Variants in POLDIP3 observed in about 807,000 individuals in gnomAD.
POLDIP3 encodes DNA polymerase delta interacting protein 3.
A neutral mutation model predicts 45.1 loss-of-function variants in POLDIP3; 14 were observed. That is an observed-to-expected ratio of 0.31 (90% CI 0.20 to 0.49). POLDIP3 has a LOEUF of 0.49. POLDIP3 is among the 20% of genes least tolerant of loss of function. The probability of loss-of-function intolerance (pLI) is 0.99; values close to 1 mark genes in which losing one functional copy is unlikely to be tolerated. For synonymous variants in POLDIP3, 223 were observed against 205.2 expected, an observed-to-expected ratio of 1.09 and a Z score of -0.74; for missense variants, 511 against 538.8, an observed-to-expected ratio of 0.95 and a Z score of 0.51.
At chr22:42,595,699 G>A (rs2146811508) in intron 5 of POLDIP3, 85 bp from the exon 6 acceptor site, 3 of 1,254,718 alleles carry the variant, frequency 2.4e-6, no homozygotes, top group South Asian at 1.2e-5. Flanking sequence ...ACGTGACTAG[G>A]AAGGCCCAGA....
intron 7 of POLDIP3, among the ~76,000 whole-genome samples, chr22:42,588,443 C>G (rs1169815619): frequency 8.1e-6 from 1 of 123,002 alleles, no homozygotes; most frequent in Non-Finnish European, 1.6e-5. Context: ...GGCAACAGAG[C>G]GAGACTCCAC....
chr22:42,603,546 C>G (rs1465494110), intron 1 of POLDIP3: 7 of 194,956 alleles, frequency 3.6e-5, no homozygotes, highest in Non-Finnish European at 7.4e-5. Context: ...CAAGGCCCAT[C>G]CCCATCCATG....
Position 42,614,849 on chromosome 22 carries a change from G to T in POLDIP3, c.9C>A (p.Asp3Glu), listed in dbSNP as rs201550700. ...TCCTGATGAGTTCGTCCAGGGAGATGTCCGCCATCTTGCTCCGCCGAGCAA... is the reference window on the plus strand; with the variant it reads ...TCCTGATGAGTTCGTCCAGGGAGATTTCCGCCATCTTGCTCCGCCGAGCAA... MA[D>E]ISLDELIRKR... The change falls in exon 1 of 9, where the codon GAC (aspartate) becomes GAA (glutamate). Residue 3 changes from aspartate to glutamate, a missense_variant. Physicochemically the swap from Asp to Glu is conservative, Grantham distance 45. Coordinates refer to ENST00000252115, the MANE Select transcript of POLDIP3 (RefSeq NM_032311.5). 1 of 1,614,030 alleles carries T rather than the reference G, an allele frequency of 6.2e-7. No individual in the cohort carries two copies. The highest frequency in any genetic ancestry group is 2.2e-5 in the East Asian group (1 of 44,870).
intron 4 of POLDIP3, among the ~76,000 whole-genome samples, chr22:42,599,336 G>A (rs6002809): frequency 0.042 from 6,328 of 152,332 alleles, 445 homozygotes; most frequent in African/African-American, 0.15. Flanking sequence ...GGGCGCAGTG[G>A]CTTACGCCTG....
intron 6 of POLDIP3, among the ~76,000 whole-genome samples, chr22:42,595,214 C>T (rs1406943597): frequency 6.6e-6 from 1 of 152,250 alleles, no homozygotes; most frequent in African/African-American, 2.4e-5. Flanking sequence ...TGACCAGCCC[C>T]CAGTAAAACC....
At chr22:42,599,828 T>G in intron 3 of POLDIP3, 35 bp from the exon 4 acceptor site, 4 of 1,493,414 alleles carry the variant, frequency 2.7e-6, no homozygotes, top group Non-Finnish European at 3.7e-6. Context: ...TAAGCAAATG[T>G]GGCATCTGGG....
chr22:42,599,854 T>C (rs896404651), intron 3 of POLDIP3, 61 bp from the exon 4 acceptor site: 2 of 1,245,350 alleles, frequency 1.6e-6, no homozygotes, highest in African/African-American at 1.5e-5. Context: ...AACAGACATC[T>C]AGAACAGGCA....
chr22:42,602,413 G>A (rs1569302227), intron 2 of POLDIP3, among the ~76,000 whole-genome samples: 1 of 152,210 alleles, frequency 6.6e-6, no homozygotes, highest in Non-Finnish European at 1.5e-5. Context: ...ATCCCACTGG[G>A]CCTGGGGGTG....
intron 1 of POLDIP3, among the ~76,000 whole-genome samples, chr22:42,612,643 T>C (rs1165485748): frequency 6.6e-6 from 1 of 152,062 alleles, no homozygotes; most frequent in African/African-American, 2.4e-5. Context: ...CTGGCCAACA[T>C]GGTAAAACCC....
chr22:42,591,862 C>T (rs1925685327), intron 7 of POLDIP3, 93 bp downstream of exon 7: 2 of 1,537,716 alleles, frequency 1.3e-6, no homozygotes, highest in East Asian at 2.3e-5. Flanking sequence ...TGGGTTCCAC[C>T]CATCTCACAG....
intron 1 of POLDIP3, among the ~76,000 whole-genome samples, chr22:42,606,442 G>A (rs1016340828): frequency 2.0e-5 from 3 of 152,086 alleles, no homozygotes; most frequent in African/African-American, 7.2e-5. Context: ...ACCAGCCTGG[G>A]CAATATAGTG....
At position 42,602,897 on chromosome 22, in the gene POLDIP3, G is replaced by T. The variant is rs770953540; in HGVS notation, c.323C>A (p.Pro108His). 6 of 1,613,992 alleles carry T rather than the reference G, an allele frequency of 3.7e-6. No individual in the cohort carries two copies. In the Admixed American group the frequency reaches 1.0e-4, roughly 27 times the overall value. ...ATCAGCAACCTGGCGGGGCTTCTGG[G>T]GCACCGTGGTCTGCTGCTTGCGAGA... ...LNSRKQQTTV[P>H]QKPRQVADAR... is the part of the protein sequence containing the mutation. The change falls in exon 2 of 9, where the codon CCC becomes CAC. Residue 108 changes from proline (P) to histidine (H), a missense_variant. Transcript: ENST00000252115.
chr22:42,603,055 A>C lies in POLDIP3; in HGVS notation c.165T>G (p.Asp55Glu). The change falls in exon 2 of 9, where the codon GAT (aspartate) becomes GAG (glutamate). Residue 55 changes from aspartate (D) to glutamate (E), a missense_variant. Coordinates refer to ENST00000252115, the MANE Select transcript of POLDIP3 (RefSeq NM_032311.5). Reference sequence around the variant, plus strand: ...CTGAGAGGCCAATCTTCTGCCGGGCATCAAATCTCTGCTGGAAGGTGGCTG... The same window carrying C: ...CTGAGAGGCCAATCTTCTGCCGGGCCTCAAATCTCTGCTGGAAGGTGGCTG... ...TRTATFQQRF[D>E]ARQKIGLSDA... 6.2e-7 allele frequency: 1 copy of C among 1,614,190 alleles called. No individual in the cohort carries two copies.
chr22:42,591,788 A>G (rs540390821), intron 7 of POLDIP3, among the ~76,000 whole-genome samples, 167 bp downstream of exon 7: 2 of 152,236 alleles, frequency 1.3e-5, no homozygotes, highest in South Asian at 4.1e-4. Flanking sequence ...GCCCTGTGTA[A>G]CCCACAGCTC....
Position 42,596,313 on chromosome 22 carries a change from T to C in POLDIP3, c.686A>G (p.Lys229Arg). ...LSMSKALPLTKVVQNDAYTAP... is the reference protein window; with the variant it reads ...LSMSKALPLTRVVQNDAYTAP... ...TGTGTATGCATCATTCTGAACCACT[T>C]TGGTGAGAGGGAGGGCCTTGGACAT... is the stretch of plus-strand genomic sequence containing the variant. Residue 229 changes from lysine to arginine, a missense_variant, in exon 5 of 9, where the codon AAA becomes AGA. Lys to Arg is a conservative substitution (Grantham distance 26). This residue lies in a region of POLDIP3 where 378 missense variants were observed against 352.3 expected (regional missense o/e 1.07). Coordinates refer to ENST00000252115, the MANE Select transcript of POLDIP3 (RefSeq NM_032311.5). The C allele has an allele frequency of 6.2e-7, 1 of 1,614,060 alleles. No homozygotes were observed. Among genetic ancestry groups the C allele is most frequent in the Non-Finnish European group, 8.5e-7 (1 of 1,179,974 alleles).
At chr22:42,592,181 G>C in intron 6 of POLDIP3, 97 bp from the exon 7 acceptor site, 5 of 1,546,168 alleles carry the variant, frequency 3.2e-6, no homozygotes, top group Non-Finnish European at 4.4e-6. Context: ...TTCCGCTGCA[G>C]CTAAATGCGC....
intron 4 of POLDIP3, among the ~76,000 whole-genome samples, chr22:42,597,045 T>C (rs1443139796): frequency 5.9e-5 from 9 of 152,142 alleles, no homozygotes. Context: ...GAATTCAGTG[T>C]TTTGGTTCCT....
chr22:42,594,618 C>T (rs1456198969), intron 6 of POLDIP3, among the ~76,000 whole-genome samples: 1 of 152,226 alleles, frequency 6.6e-6, no homozygotes, highest in African/African-American at 2.4e-5. Flanking sequence ...CAAACGTATT[C>T]ATTTTGTGAT....
chr22:42,614,564 G>A (rs909573433), intron 1 of POLDIP3, among the ~76,000 whole-genome samples: 4 of 152,160 alleles, frequency 2.6e-5, no homozygotes, highest in Admixed American at 2.6e-4. Flanking sequence ...GCGGCACCCT[G>A]TCCCCGCCGC....
Sources: allele counts gnomAD v4.1 joint callset (sites outside exome capture counted in the v4.1 genomes callset), GRCh38; gene constraint gnomAD v4.1.1; regional missense constraint gnomAD v4.1.1; transcripts MANE v1.5; gene names NCBI Gene and HGNC (gene_info 2026-07-23, HGNC 2026-07-21).